Variants in ARHGEF3 observed in about 807,000 individuals in gnomAD.
ARHGEF3 encodes the protein Rho guanine nucleotide exchange factor 3.
Under a neutral mutation model 63.2 loss-of-function variants are expected in ARHGEF3, and 28 were observed. The ratio of observed to expected loss-of-function variants is 0.44; its 90% confidence interval spans 0.33 to 0.61. The LOEUF (loss-of-function observed/expected upper bound fraction) is 0.61. Ranked by LOEUF, ARHGEF3 falls within the 20% of genes least tolerant of loss-of-function variation. The pLI is 0.03. For synonymous variants in ARHGEF3, 266 were observed against 254.2 expected, an observed-to-expected ratio of 1.05 and a Z score of -0.44; for missense variants, 533 against 659.3, an observed-to-expected ratio of 0.81 and a Z score of 2.10.
chr3:56,921,075 A>AC (rs1275740028), intron 3 of ARHGEF3, among the ~76,000 whole-genome samples: 2 of 146,084 alleles, frequency 1.4e-5, no homozygotes, highest in Non-Finnish European at 3.0e-5. Flanking sequence ...AAAAAAAAAA[A>AC]AACTCATGGG....
At chr3:56,865,055 C>G (rs1388957603) in intron 4 of ARHGEF3, among the ~76,000 whole-genome samples, 1 of 152,122 alleles carries the variant, frequency 6.6e-6, no homozygotes, top group East Asian at 1.9e-4. Context: ...CCCTTCATAC[C>G]ATCCCTATTT....
intron 4 of ARHGEF3, among the ~76,000 whole-genome samples, chr3:56,823,457 G>A (rs1244803009): frequency 2.0e-5 from 3 of 152,006 alleles, no homozygotes; most frequent in Admixed American, 1.3e-4. Flanking sequence ...CAACCCCACA[G>A]CCCAGCCTCC....
intron 3 of ARHGEF3, among the ~76,000 whole-genome samples, chr3:56,925,788 C>T (rs1217253250): frequency 5.9e-5 from 9 of 152,232 alleles, no homozygotes; most frequent in Admixed American, 3.3e-4. Flanking sequence ...CAGGCAGTGA[C>T]TGAATACACA....
intron 8 of ARHGEF3, among the ~76,000 whole-genome samples, chr3:56,733,318 G>A (rs1429166605): frequency 1.4e-4 from 11 of 80,074 alleles, no homozygotes; most frequent in Non-Finnish European, 2.4e-4. Flanking sequence ...CTAGCCAGGC[G>A]AGGTGGGCGG....
intron 1 of ARHGEF3, among the ~76,000 whole-genome samples, chr3:57,070,369 C>CT (rs1705817769): frequency 6.6e-6 from 1 of 151,756 alleles, no homozygotes; most frequent in East Asian, 1.9e-4. Flanking sequence ...TACTGTGTTA[C>CT]TTTCTTCAAA....
intron 4 of ARHGEF3, among the ~76,000 whole-genome samples, chr3:56,865,198 C>G (rs1011397056): frequency 1.1e-4 from 17 of 152,268 alleles, no homozygotes; most frequent in African/African-American, 3.9e-4. Flanking sequence ...AATGAAGTCG[C>G]AGCCTCAATT....
rs1185375522 is a variant in ARHGEF3 at position 56,737,259 on chromosome 3, C to T, written c.967G>A (p.Gly323Ser). Residue 323 changes from glycine (G) to serine (S), a missense_variant, in exon 8 of 10, where the codon GGC (glycine) becomes AGC (serine). Gly to Ser is a moderately conservative substitution (Grantham distance 56). Coordinates refer to ENST00000296315, the MANE Select transcript of ARHGEF3 (RefSeq NM_019555.3). ...YKERLLYLEE[G>S]QKDSLIDSSR... ...CTGTCGATCAGGGAGTCTTTCTGGC[C>T]TTCTTCCAAGTAAAGAAGCCGCTCT... is the stretch of plus-strand genomic sequence containing the variant. 2 of 1,613,920 alleles carry T rather than the reference C, an allele frequency of 1.2e-6. No individual in the cohort carries two copies. The highest frequency in any genetic ancestry group is 1.3e-5 in the African/African-American group (1 of 74,910).
At chr3:57,051,130 C>G (rs966330947) in intron 1 of ARHGEF3, among the ~76,000 whole-genome samples, 2 of 152,226 alleles carry the variant, frequency 1.3e-5, no homozygotes, top group Non-Finnish European at 1.5e-5. Context: ...ATAAGTATTT[C>G]TACAGCTGAA....
chr3:56,995,947 A>G (rs1701972391), intron 2 of ARHGEF3, among the ~76,000 whole-genome samples: 1 of 152,178 alleles, frequency 6.6e-6, no homozygotes, highest in Admixed American at 6.5e-5. Context: ...ACCTGTGATG[A>G]GAAGTAATTC....
intron 1 of ARHGEF3, among the ~76,000 whole-genome samples, chr3:57,067,956 C>T (rs1705655074): frequency 6.6e-6 from 1 of 151,946 alleles, no homozygotes; most frequent in Non-Finnish European, 1.5e-5. Context: ...CACCACTGCA[C>T]TCCAGCCTGG....
intron 1 of ARHGEF3, among the ~76,000 whole-genome samples, chr3:57,058,480 A>G (rs1019158820): frequency 1.3e-5 from 2 of 152,240 alleles, no homozygotes; most frequent in African/African-American, 2.4e-5. Context: ...AAATGCTCAC[A>G]TGCCAGGAAA....
intron 1 of ARHGEF3, among the ~76,000 whole-genome samples, chr3:57,061,328 G>T (rs1465194641): frequency 6.6e-6 from 1 of 151,828 alleles, no homozygotes; most frequent in African/African-American, 2.4e-5. Context: ...AATGGGGTCT[G>T]GCCCTGTCAT....
intron 1 of ARHGEF3, among the ~76,000 whole-genome samples, chr3:57,035,457 C>T (rs1012640980): frequency 2.0e-5 from 3 of 152,198 alleles, no homozygotes; most frequent in Non-Finnish European, 4.4e-5. Flanking sequence ...TCACACCACT[C>T]CTTTGCTCAG....
Position 56,775,127 on chromosome 3 carries a change from C to T in ARHGEF3, c.97-1311G>A, listed in dbSNP as rs552983758. 6.5e-5 allele frequency: 100 copies of T among 1,546,640 alleles called. No homozygotes were observed. In the African/African-American group the frequency reaches 1.2e-3, roughly 19 times the overall value. On this transcript the variant is annotated intron_variant, in intron 1 of 9. Coordinates refer to ENST00000296315, the MANE Select transcript of ARHGEF3 (RefSeq NM_019555.3). ...AACCTCAATCATTTCCAGAGGGAGC[C>T]TCTAGGTATTCATCTTTCCTTTTCA...
chr3:56,810,695 T>A (rs2038031694), intron 4 of ARHGEF3, among the ~76,000 whole-genome samples: 1 of 152,080 alleles, frequency 6.6e-6, no homozygotes, highest in Non-Finnish European at 1.5e-5. Context: ...AACCCATACA[T>A]TTATAGAGAA....
intron 2 of ARHGEF3, among the ~76,000 whole-genome samples, chr3:56,766,760 C>T: frequency 6.6e-6 from 1 of 151,826 alleles, no homozygotes; most frequent in East Asian, 1.9e-4. Flanking sequence ...AGAAGCAATT[C>T]TATCCAAAAC....
intron 3 of ARHGEF3, among the ~76,000 whole-genome samples, chr3:56,901,743 C>A (rs1302889741): frequency 6.6e-6 from 1 of 151,972 alleles, no homozygotes; most frequent in African/African-American, 2.4e-5. Flanking sequence ...ACCACCATAC[C>A]CCACTAATTT....
At chr3:57,073,827 A>C in intron 1 of ARHGEF3, 1 of 1,614,178 alleles carries the variant, frequency 6.2e-7, no homozygotes, top group Non-Finnish European at 8.5e-7. Context: ...CCAACATCCC[A>C]ACAAACCCCA....
chr3:57,051,013 T>A (rs79303836), intron 1 of ARHGEF3, among the ~76,000 whole-genome samples: 11,978 of 152,244 alleles, frequency 0.079, 634 homozygotes, highest in East Asian at 0.19. Context: ...CTGGACATAT[T>A]TCGGAATTCA....
Sources: allele counts gnomAD v4.1 joint callset (sites outside exome capture counted in the v4.1 genomes callset), GRCh38; gene constraint gnomAD v4.1.1; transcripts MANE v1.5; gene names NCBI Gene and HGNC (gene_info 2026-07-23, HGNC 2026-07-21).